Variants in ADCY2 observed in about 807,000 individuals in gnomAD.
ADCY2 encodes adenylate cyclase 2.
In ADCY2, 31 loss-of-function variants were observed where a neutral mutation model predicts 125.2. That is an observed-to-expected ratio of 0.25 (90% CI 0.19 to 0.33). The LOEUF is 0.33. Ranked by LOEUF, ADCY2 falls within the 10% of genes least tolerant of loss-of-function variation. The pLI, the probability that ADCY2 is intolerant of heterozygous loss-of-function variation, is 1.00. For missense variants in ADCY2, 904 were observed against 1,418.2 expected (o/e 0.64, Z 5.82); for synonymous variants, 512 against 548.4 (o/e 0.93, Z 0.93).
intron 3 of ADCY2, among the ~76,000 whole-genome samples, chr5:7,585,811 A>G (rs1736608366): frequency 6.6e-6 from 1 of 152,240 alleles, no homozygotes; most frequent in African/African-American, 2.4e-5. Context: ...AGAACTGCTA[A>G]GAGTAGCATT....
At chr5:7,520,995 G>C (rs1054220749) in intron 3 of ADCY2, 96 bp downstream of exon 3, 1 of 1,464,166 alleles carries the variant, frequency 6.8e-7, no homozygotes, top group Admixed American at 1.7e-5. Flanking sequence ...GTGTAGTGTG[G>C]TACCTGCAGC....
chr5:7,816,598 CCCG>C (rs1209783740), intron 22 of ADCY2, among the ~76,000 whole-genome samples: 35 of 152,358 alleles, frequency 2.3e-4, no homozygotes, highest in African/African-American at 7.2e-4. Context: ...ATACAGGTTC[CCCG>C]TGGTCAGCCT....
intron 5 of ADCY2, chr5:7,691,824 C>T: frequency 6.4e-6 from 1 of 157,456 alleles, no homozygotes; most frequent in Non-Finnish European, 1.4e-5. Context: ...CACAGTTCTG[C>T]AGGCCTTACA....
At chr5:7,623,904 A>G (rs931564561) in intron 3 of ADCY2, among the ~76,000 whole-genome samples, 5 of 152,178 alleles carry the variant, frequency 3.3e-5, no homozygotes, top group African/African-American at 1.2e-4. Context: ...ACACAGAGCA[A>G]TTCCCAGCAA....
intron 24 of ADCY2, among the ~76,000 whole-genome samples, chr5:7,825,641 G>A (rs1330777256): frequency 6.6e-6 from 1 of 152,224 alleles, no homozygotes. Flanking sequence ...ACCTGCTAGG[G>A]GACACTGGGT....
intron 3 of ADCY2, among the ~76,000 whole-genome samples, chr5:7,524,946 G>C: frequency 6.6e-6 from 1 of 152,142 alleles, no homozygotes; most frequent in South Asian, 2.1e-4. Flanking sequence ...ATACAGTCTT[G>C]TATTTTCCTA....
rs141966239 is a variant in ADCY2, at chr5:7,804,700, G to C, written c.2883+8G>C. On this transcript the variant is annotated splice_region_variant and intron_variant, in intron 22 of 24. Coordinates refer to ENST00000338316, the MANE Select transcript of ADCY2 (RefSeq NM_020546.3). ...AGCCAGGAGCACTCCCAGGTAAGAC[G>C]CGTTGGCCACTTAACGGCACAGGTG... 2 of 1,611,302 alleles carry C rather than the reference G, an allele frequency of 1.2e-6. No individual in the cohort carries two copies. The highest frequency in any genetic ancestry group is 8.5e-7 in the Non-Finnish European group (1 of 1,177,486).
chr5:7,420,478 G>A (rs1374485208), intron 2 of ADCY2, among the ~76,000 whole-genome samples: 1 of 152,098 alleles, frequency 6.6e-6, no homozygotes, highest in East Asian at 1.9e-4. Context: ...GGAAAATGGA[G>A]CGAAAAAGAC....
chr5:7,665,581 A>G (rs367750062), intron 4 of ADCY2, among the ~76,000 whole-genome samples: 1 of 152,066 alleles, frequency 6.6e-6, no homozygotes, highest in East Asian at 1.9e-4. Flanking sequence ...AATAAGATCA[A>G]GTGGAGCTTT....
chr5:7,438,930 G>A (rs183286390), intron 2 of ADCY2, among the ~76,000 whole-genome samples: 1 of 152,230 alleles, frequency 6.6e-6, no homozygotes, highest in Admixed American at 6.5e-5. Context: ...ACAGCACGTT[G>A]AGCAGTGCTC....
intron 2 of ADCY2, among the ~76,000 whole-genome samples, chr5:7,513,854 A>T (rs1391062042): frequency 6.6e-6 from 1 of 152,218 alleles, no homozygotes; most frequent in East Asian, 1.9e-4. Flanking sequence ...TTTGGAGAGA[A>T]AAATGATTTT....
intron 15 of ADCY2, among the ~76,000 whole-genome samples, chr5:7,756,393 T>C (rs1214655691): frequency 6.6e-6 from 1 of 152,164 alleles, no homozygotes; most frequent in Non-Finnish European, 1.5e-5. Flanking sequence ...CCCCGATATG[T>C]ATAGCCGCAT....
chr5:7,724,715 C>A (rs1741881493), intron 13 of ADCY2, 101 bp downstream of exon 13: 1 of 814,078 alleles, frequency 1.2e-6, no homozygotes, highest in Admixed American at 2.8e-5. Context: ...ATTTAAACTG[C>A]CTCTGACTAT....
At chr5:7,711,350 G>A (rs992998803) in intron 10 of ADCY2, among the ~76,000 whole-genome samples, 1 of 152,184 alleles carries the variant, frequency 6.6e-6, no homozygotes, top group Non-Finnish European at 1.5e-5. Flanking sequence ...ATTTGGATAA[G>A]TTAGCCTCAG....
At chr5:7,533,096 C>A (rs1051701506) in intron 3 of ADCY2, among the ~76,000 whole-genome samples, 5 of 148,862 alleles carry the variant, frequency 3.4e-5, no homozygotes, top group African/African-American at 1.2e-4. Context: ...TGTATATATA[C>A]ATGTATATAT....
chr5:7,629,885 C>G (rs1245814032), intron 4 of ADCY2, among the ~76,000 whole-genome samples: 2 of 152,184 alleles, frequency 1.3e-5, no homozygotes, highest in Non-Finnish European at 2.9e-5. Flanking sequence ...ACTGCCTAGG[C>G]AGTTGAAATA....
At chr5:7,769,518 A>T (rs916321299) in intron 17 of ADCY2, among the ~76,000 whole-genome samples, 1 of 152,220 alleles carries the variant, frequency 6.6e-6, no homozygotes, top group Non-Finnish European at 1.5e-5. Context: ...TAGTGGCTAA[A>T]GTGGATGTTG....
At chr5:7,822,505 G>A (rs1032063764) in intron 24 of ADCY2, among the ~76,000 whole-genome samples, 5 of 152,194 alleles carry the variant, frequency 3.3e-5, no homozygotes, top group Non-Finnish European at 7.3e-5. Context: ...GAAGAGCTTG[G>A]AGATACCAAG....
At chr5:7,544,674 C>T (rs940805314) in intron 3 of ADCY2, among the ~76,000 whole-genome samples, 1 of 152,186 alleles carries the variant, frequency 6.6e-6, no homozygotes, top group Non-Finnish European at 1.5e-5. Flanking sequence ...GCTCAGCTCA[C>T]CCCTGGGGAT....
Sources: gnomAD v4.1 joint callset for allele counts (sites outside exome capture counted in the v4.1 genomes callset) on GRCh38, gnomAD v4.1.1 for gene constraint, MANE v1.5 for transcripts, NCBI Gene and HGNC (gene_info 2026-07-23, HGNC 2026-07-21) for gene names.